The following ADAMTS17 variants were observed in gnomAD, a reference collection of about 807,000 sequenced individuals.
ADAMTS17 encodes the protein A disintegrin and metalloproteinase with thrombospondin motifs 17.
A neutral mutation model predicts 141.5 loss-of-function variants in ADAMTS17; 113 were observed. That is an observed-to-expected ratio of 0.80 (90% CI 0.69 to 0.93). The LOEUF is 0.93. ADAMTS17 is among the 40% of genes least tolerant of loss of function. The probability of loss-of-function intolerance (pLI) is 0.00; values close to 1 mark genes in which losing one functional copy is unlikely to be tolerated. For synonymous variants in ADAMTS17, 768 were observed against 630.6 expected, an observed-to-expected ratio of 1.22 and a Z score of -3.27; for missense variants, 1,659 against 1,517.9, an observed-to-expected ratio of 1.09 and a Z score of -1.54.
At chr15:100,300,114 G>A (rs560056109) in intron 3 of ADAMTS17, among the ~76,000 whole-genome samples, 7 of 152,214 alleles carry the variant, frequency 4.6e-5, no homozygotes, top group African/African-American at 1.7e-4. Context: ...TCTGGAGTCA[G>A]GGTTTCTTCC....
In ADAMTS17 at chr15:100,240,725, T is replaced by C. The variant is rs2042803729; in HGVS notation, c.1075+13411A>G. On this transcript the variant is annotated intron_variant, in intron 7 of 21. Coordinates refer to ENST00000268070, the MANE Select transcript of ADAMTS17 (RefSeq NM_139057.4). ...ACTTCTAAGAATGTATTATTCTTTG[T>C]CAAGACGCGGTATAAGGCCAAGTTC... 2.0e-5 allele frequency among the ~76,000 whole-genome samples: 3 copies of C among 152,244 alleles called. No individual in the cohort carries two copies. The South Asian group carries it at 6.2e-4, about 31-fold the overall frequency.
At chr15:100,104,628 G>A (rs753990201) in intron 14 of ADAMTS17, among the ~76,000 whole-genome samples, 12 of 152,136 alleles carry the variant, frequency 7.9e-5, no homozygotes, top group Admixed American at 2.0e-4. Flanking sequence ...AGAGGAAAAC[G>A]CTAGTAGGCA....
At chr15:100,223,790 T>A (rs1249835479) in intron 7 of ADAMTS17, among the ~76,000 whole-genome samples, 2 of 151,746 alleles carry the variant, frequency 1.3e-5, no homozygotes, top group Admixed American at 1.3e-4. Flanking sequence ...GGTGTGTCTG[T>A]GTGGGTGTAT....
At chr15:100,137,842 A>AAC (rs1211454868) in intron 10 of ADAMTS17, among the ~76,000 whole-genome samples, 2 of 152,056 alleles carry the variant, frequency 1.3e-5, no homozygotes, top group East Asian at 3.9e-4. Context: ...TTTCACTGCC[A>AAC]ACACCAACAC....
At chr15:100,141,829 G>A (rs1244260976) in intron 10 of ADAMTS17, among the ~76,000 whole-genome samples, 1 of 152,226 alleles carries the variant, frequency 6.6e-6, no homozygotes, top group Non-Finnish European at 1.5e-5. Flanking sequence ...AAAGTCCAAC[G>A]GCTCTGAGAG....
intron 20 of ADAMTS17, among the ~76,000 whole-genome samples, chr15:99,986,229 G>A (rs1197331337): frequency 6.6e-6 from 1 of 152,340 alleles, no homozygotes; most frequent in African/African-American, 2.4e-5. Flanking sequence ...AAAACTGTCT[G>A]TAACTACCCT....
chr15:100,090,908 T>G (rs2035419529), intron 15 of ADAMTS17, among the ~76,000 whole-genome samples: 1 of 148,490 alleles, frequency 6.7e-6, no homozygotes, highest in Non-Finnish European at 1.5e-5. Context: ...CTCAGGAGGC[T>G]GAGGCGGGGG....
intron 15 of ADAMTS17, chr15:100,074,330 C>T (rs577849185): frequency 2.8e-4 from 42 of 152,056 alleles, no homozygotes; most frequent in African/African-American, 8.4e-4. Flanking sequence ...TGCGGGCTTA[C>T]GGTTATATAG....
chr15:100,120,285 T>C (rs898928504), intron 12 of ADAMTS17, among the ~76,000 whole-genome samples: 2 of 152,200 alleles, frequency 1.3e-5, no homozygotes, highest in African/African-American at 4.8e-5. Context: ...CAGTTAATTT[T>C]GCTCAATTTC....
chr15:100,185,602 C>G (rs558825441), intron 8 of ADAMTS17, among the ~76,000 whole-genome samples: 162 of 152,338 alleles, frequency 1.1e-3, no homozygotes, highest in Non-Finnish European at 2.1e-3. Flanking sequence ...CTAAAGAACT[C>G]TAATGTTAAG....
intron 14 of ADAMTS17, among the ~76,000 whole-genome samples, chr15:100,104,786 T>C (rs1377093929): frequency 1.3e-5 from 2 of 152,256 alleles, no homozygotes; most frequent in Non-Finnish European, 2.9e-5. Flanking sequence ...TTACAATTAC[T>C]ATTATTTTCC....
At position 100,263,973 on chromosome 15, in the gene ADAMTS17, C is replaced by G. The variant is rs960849201; in HGVS notation, c.790-1538G>C. Among the ~76,000 whole-genome samples, 5 of 152,356 alleles carry G rather than the reference C, an allele frequency of 3.3e-5. No individual in the cohort carries two copies. In the East Asian group the frequency reaches 7.7e-4, roughly 24 times the overall value. ...GCCCACAAGCGCTAGAAGCCAGGCA[C>G]GCAGTGTTTGAGCATCTCCGTGACA... On this transcript the variant is annotated intron_variant, in intron 4 of 21. Transcript: ENST00000268070.
chr15:100,002,390 C>T (rs949943993), intron 18 of ADAMTS17, among the ~76,000 whole-genome samples: 6 of 151,984 alleles, frequency 3.9e-5, no homozygotes, highest in Admixed American at 6.5e-5. Context: ...CTTGGCATGC[C>T]GTAGGCCACA....
chr15:100,277,110 A>C (rs1050880185), intron 4 of ADAMTS17, among the ~76,000 whole-genome samples: 2 of 152,142 alleles, frequency 1.3e-5, no homozygotes, highest in African/African-American at 4.8e-5. Flanking sequence ...TATAGACGAC[A>C]GAAGGGCTCA....
chr15:100,039,799 T>C (rs1461063164), intron 18 of ADAMTS17, among the ~76,000 whole-genome samples: 1 of 152,226 alleles, frequency 6.6e-6, no homozygotes, highest in Non-Finnish European at 1.5e-5. Context: ...GTTTTTAAAA[T>C]CCACTACTGA....
At chr15:100,141,296 C>G (rs1326412435) in intron 10 of ADAMTS17, among the ~76,000 whole-genome samples, 3 of 152,194 alleles carry the variant, frequency 2.0e-5, no homozygotes, top group African/African-American at 7.2e-5. Flanking sequence ...GCCTTCGCCA[C>G]TTTTCTTCAA....
At chr15:100,051,928 G>A (rs564373433) in intron 16 of ADAMTS17, among the ~76,000 whole-genome samples, 197 bp from the exon 17 acceptor site, 2 of 152,192 alleles carry the variant, frequency 1.3e-5, no homozygotes, top group South Asian at 4.1e-4. Flanking sequence ...ACTGAGGAGT[G>A]GGGTGAATGC....
At chr15:100,241,921 G>A (rs964218109) in intron 7 of ADAMTS17, among the ~76,000 whole-genome samples, 11 of 152,136 alleles carry the variant, frequency 7.2e-5, no homozygotes, top group Non-Finnish European at 1.2e-4. Context: ...GCCCAGATTC[G>A]GTCTCTGGTA....
At chr15:99,999,373 T>C (rs1391293841) in intron 18 of ADAMTS17, among the ~76,000 whole-genome samples, 1 of 152,082 alleles carries the variant, frequency 6.6e-6, no homozygotes, top group East Asian at 1.9e-4. Flanking sequence ...GGGGGTGTTA[T>C]CTTACAGCAG....
Sources: gnomAD v4.1 joint callset for allele counts (sites outside exome capture counted in the v4.1 genomes callset) on GRCh38, gnomAD v4.1.1 for gene constraint, MANE v1.5 for transcripts, NCBI Gene and HGNC (gene_info 2026-07-23, HGNC 2026-07-21) for gene names.